Variants in SGCZ observed in about 807,000 individuals in gnomAD.
SGCZ encodes the protein sarcoglycan zeta.
In SGCZ, 40 loss-of-function variants were observed where a neutral mutation model predicts 41.3. That is an observed-to-expected ratio of 0.97 (90% CI 0.75 to 1.26). The LOEUF (loss-of-function observed/expected upper bound fraction) is 1.26, where lower values mean the gene tolerates loss of function less well. SGCZ is among the 50% of genes most tolerant of loss of function. The pLI is 0.00. For missense variants in SGCZ, 552 were observed against 369.8 expected (o/e 1.49, Z -4.04); for synonymous variants, 206 against 137.5 (o/e 1.50, Z -3.49).
At chr8:14,751,265 T>C (rs911835799) in intron 1 of SGCZ, among the ~76,000 whole-genome samples, 3 of 152,194 alleles carry the variant, frequency 2.0e-5, no homozygotes, top group Non-Finnish European at 4.4e-5. Context: ...TGATACATGT[T>C]CTCTACAAGA....
At position 14,090,571 on chromosome 8, in the gene SGCZ, G is replaced by T. The variant is rs1801658775; in HGVS notation, c.811C>A (p.Pro271Thr). ...LPTGSFSSSSPSSSSSRQTVY... is the reference protein window; with the variant it reads ...LPTGSFSSSSTSSSSSRQTVY... The stretch of plus-strand genomic sequence containing the variant: ...GTCTGTCGAGAACTTGAGGAGCTGG[G>T]TGAAGAAGATGAGAAGGAGCCAGTT... The change falls in exon 8 of 8, where the codon CCC (proline) becomes ACC (threonine). Residue 271 changes from proline to threonine, a missense_variant. Coordinates refer to ENST00000382080, the MANE Select transcript of SGCZ (RefSeq NM_139167.4). The T allele has an allele frequency of 6.2e-7, 1 of 1,612,956 alleles. No homozygotes were observed. The highest frequency in any genetic ancestry group is 8.5e-7 in the Non-Finnish European group (1 of 1,179,416).
intron 1 of SGCZ, among the ~76,000 whole-genome samples, chr8:14,576,292 T>C (rs1804710253): frequency 6.6e-6 from 1 of 152,102 alleles, no homozygotes; most frequent in African/African-American, 2.4e-5. Context: ...GAGAAGTCAA[T>C]GTCATTTATC....
intron 2 of SGCZ, among the ~76,000 whole-genome samples, chr8:14,375,631 T>A (rs147708325): frequency 0.02 from 3,032 of 152,254 alleles, 81 homozygotes; most frequent in African/African-American, 0.056. Context: ...ATACCTGGAT[T>A]TATGGCTGAA....
chr8:14,691,882 G>C (rs918445519), intron 1 of SGCZ, among the ~76,000 whole-genome samples: 2 of 151,828 alleles, frequency 1.3e-5, no homozygotes, highest in Non-Finnish European at 2.9e-5. Flanking sequence ...TGTTTTGTGA[G>C]AAAATAAATT....
At chr8:14,105,930 A>C (rs1468914396) in intron 6 of SGCZ, among the ~76,000 whole-genome samples, 5 of 152,154 alleles carry the variant, frequency 3.3e-5, no homozygotes, top group Admixed American at 2.0e-4. Flanking sequence ...TATAAATTTA[A>C]GTAAATTTAA....
chr8:14,872,155 C>G (rs758619672), intron 1 of SGCZ, among the ~76,000 whole-genome samples: 1 of 151,824 alleles, frequency 6.6e-6, no homozygotes, highest in Non-Finnish European at 1.5e-5. Flanking sequence ...ACATCACACA[C>G]CAGGGCCTGA....
chr8:14,279,010 T>C (rs1426051862), intron 3 of SGCZ, among the ~76,000 whole-genome samples: 1 of 152,132 alleles, frequency 6.6e-6, no homozygotes, highest in Non-Finnish European at 1.5e-5. Context: ...TCTAGGAATT[T>C]AATGGGAAAA....
At chr8:14,119,492 T>C (rs1472705279) in intron 5 of SGCZ, among the ~76,000 whole-genome samples, 1 of 152,184 alleles carries the variant, frequency 6.6e-6, no homozygotes, top group African/African-American at 2.4e-5. Flanking sequence ...AAATATACAA[T>C]CATGACATCT....
chr8:14,423,972 G>T (rs1001413934), intron 2 of SGCZ, among the ~76,000 whole-genome samples: 1 of 152,072 alleles, frequency 6.6e-6, no homozygotes, highest in Admixed American at 6.6e-5. Flanking sequence ...AAGAACTAAA[G>T]TGTTAATGAC....
At chr8:14,483,741 C>T (rs181231798) in intron 2 of SGCZ, among the ~76,000 whole-genome samples, 26 of 152,094 alleles carry the variant, frequency 1.7e-4, no homozygotes, top group South Asian at 1.5e-3. Context: ...ATAAGAATAA[C>T]AGGTTTCAAT....
intron 5 of SGCZ, among the ~76,000 whole-genome samples, chr8:14,142,320 A>C (rs192856297): frequency 6.6e-6 from 1 of 152,278 alleles, no homozygotes; most frequent in Non-Finnish European, 1.5e-5. Context: ...GTATAATAAA[A>C]ATTTAAAAAA....
chr8:14,150,870 C>T (rs1431911746), intron 5 of SGCZ, among the ~76,000 whole-genome samples: 1 of 152,114 alleles, frequency 6.6e-6, no homozygotes, highest in Non-Finnish European at 1.5e-5. Flanking sequence ...CAGTCACTTG[C>T]ATCAACGTGG....
chr8:14,229,468 T>A (rs1321165490), intron 4 of SGCZ, among the ~76,000 whole-genome samples: 1 of 152,062 alleles, frequency 6.6e-6, no homozygotes. Context: ...ATTATAAATT[T>A]ATTAACATGA....
At chr8:14,688,760 C>G (rs1386277520) in intron 1 of SGCZ, among the ~76,000 whole-genome samples, 1 of 151,940 alleles carries the variant, frequency 6.6e-6, no homozygotes, top group East Asian at 1.9e-4. Flanking sequence ...AAGTTCTGGC[C>G]AGGGCAATCA....
intron 5 of SGCZ, among the ~76,000 whole-genome samples, chr8:14,153,549 A>G (rs1803778210): frequency 6.6e-6 from 1 of 152,154 alleles, no homozygotes; most frequent in South Asian, 2.1e-4. Flanking sequence ...GAGAAATAAA[A>G]TGGACCCAAA....
chr8:14,790,206 A>G (rs1289155946), intron 1 of SGCZ, among the ~76,000 whole-genome samples: 2 of 152,198 alleles, frequency 1.3e-5, no homozygotes, highest in Admixed American at 1.3e-4. Context: ...GTCTGTCCTT[A>G]AATATATCAT....
chr8:15,061,222 G>T (rs1804916231), intron 1 of SGCZ, among the ~76,000 whole-genome samples: 1 of 152,108 alleles, frequency 6.6e-6, no homozygotes, highest in African/African-American at 2.4e-5. Context: ...CATGAAGGCG[G>T]AACTCTCATA....
chr8:14,931,148 C>T (rs1799913133), intron 1 of SGCZ, among the ~76,000 whole-genome samples: 1 of 151,986 alleles, frequency 6.6e-6, no homozygotes, highest in Non-Finnish European at 1.5e-5. Context: ...TAATTTCCTT[C>T]ATCATTTCAA....
intron 2 of SGCZ, among the ~76,000 whole-genome samples, chr8:14,362,669 A>G (rs1014056354): frequency 6.6e-6 from 1 of 152,112 alleles, no homozygotes; most frequent in Non-Finnish European, 1.5e-5. Context: ...GCGACACCCC[A>G]TGCTGCTTTG....
Sources: allele counts gnomAD v4.1 joint callset (sites outside exome capture counted in the v4.1 genomes callset), GRCh38; gene constraint gnomAD v4.1.1; transcripts MANE v1.5; gene names NCBI Gene and HGNC (gene_info 2026-07-23, HGNC 2026-07-21).